XIRP2: variants seen among roughly 807,000 people sequenced by gnomAD.
The protein encoded by XIRP2 is xin actin binding repeat containing 2, also known as xin actin-binding repeat-containing protein 2.
Under a neutral mutation model 277.0 loss-of-function variants are expected in XIRP2, and 236 were observed. The ratio of observed to expected loss-of-function variants is 0.85; its 90% CI spans 0.77 to 0.95. The LOEUF (loss-of-function observed/expected upper bound fraction) is 0.95. Ranked by LOEUF, XIRP2 falls within the 40% of genes least tolerant of loss-of-function variation. The pLI, the probability that XIRP2 is intolerant of heterozygous loss-of-function variation, is 0.00. For missense variants in XIRP2, 4,640 were observed against 4,157.5 expected, an observed-to-expected ratio of 1.12 and a Z score of -3.19; for synonymous variants, 1,490 against 1,416.5, an observed-to-expected ratio of 1.05 and a Z score of -1.17.
intron 2 of XIRP2, among the ~76,000 whole-genome samples, chr2:167,011,553 C>G (rs923454048): frequency 6.6e-6 from 1 of 151,990 alleles, no homozygotes; most frequent in Non-Finnish European, 1.5e-5. Context: ...TGTGTCTCTG[C>G]CAGGCTTTGG....
At chr2:166,962,524 C>A (rs1285432403) in intron 2 of XIRP2, among the ~76,000 whole-genome samples, 5 of 151,548 alleles carry the variant, frequency 3.3e-5, no homozygotes, top group Admixed American at 6.6e-5. Context: ...ATTATTAAAG[C>A]AATTTATTGC....
At chr2:167,183,518 A>C (rs1205625334) in intron 3 of XIRP2, among the ~76,000 whole-genome samples, 1 of 152,152 alleles carries the variant, frequency 6.6e-6, no homozygotes, top group Non-Finnish European at 1.5e-5. Context: ...TGCTATTTAC[A>C]ATCTGCTGTT....
chr2:167,086,290 T>C (rs897591772), intron 2 of XIRP2, among the ~76,000 whole-genome samples: 2 of 152,218 alleles, frequency 1.3e-5, no homozygotes, highest in Admixed American at 6.5e-5. Flanking sequence ...TTCTGGCTTG[T>C]AGGGTTTCTG....
chr2:167,087,813 G>C (rs1051044356), intron 2 of XIRP2, among the ~76,000 whole-genome samples: 2 of 151,832 alleles, frequency 1.3e-5, no homozygotes. Context: ...CGCACGGTGC[G>C]TGCACCCACT....
chr2:167,108,317 T>C (rs771694423), intron 2 of XIRP2, among the ~76,000 whole-genome samples: 4 of 152,036 alleles, frequency 2.6e-5, no homozygotes, highest in Non-Finnish European at 5.9e-5. Context: ...ATTGTTAATC[T>C]GTTTTAATTT....
chr2:167,086,574 G>C (rs1689951537), intron 2 of XIRP2, among the ~76,000 whole-genome samples: 1 of 151,780 alleles, frequency 6.6e-6, no homozygotes, highest in African/African-American at 2.4e-5. Flanking sequence ...TCACTTTCAG[G>C]TACACCAATC....
intron 2 of XIRP2, among the ~76,000 whole-genome samples, chr2:166,959,171 C>A (rs959522604): frequency 2.6e-5 from 4 of 151,692 alleles, no homozygotes; most frequent in Non-Finnish European, 5.9e-5. Context: ...TTCTTGCTGT[C>A]GTCTTTAACA....
chr2:167,055,867 CT>C (rs1162817788), intron 2 of XIRP2, among the ~76,000 whole-genome samples: 2 of 152,088 alleles, frequency 1.3e-5, no homozygotes, highest in Non-Finnish European at 2.9e-5. Context: ...CTCTTTTCCC[CT>C]GGACTATATA....
intron 2 of XIRP2, among the ~76,000 whole-genome samples, chr2:167,095,238 A>T (rs1263647844): frequency 6.6e-6 from 1 of 152,246 alleles, no homozygotes; most frequent in Non-Finnish European, 1.5e-5. Context: ...TTTTCTAAAT[A>T]TAAAATCATG....
intron 2 of XIRP2, among the ~76,000 whole-genome samples, chr2:166,969,158 A>G (rs1347139749): frequency 6.6e-6 from 1 of 151,978 alleles, no homozygotes; most frequent in Non-Finnish European, 1.5e-5. Flanking sequence ...GGAGTGAAAA[A>G]AATATTGAAT....
At chr2:167,021,142 C>T (rs144641968) in intron 2 of XIRP2, among the ~76,000 whole-genome samples, 128 of 152,116 alleles carry the variant, frequency 8.4e-4, no homozygotes, top group African/African-American at 2.9e-3. Flanking sequence ...TTAGTTGATT[C>T]TGATATATAA....
intron 1 of XIRP2, among the ~76,000 whole-genome samples, chr2:166,888,964 T>C (rs1684027670): frequency 6.6e-6 from 1 of 152,146 alleles, no homozygotes; most frequent in Admixed American, 6.5e-5. Flanking sequence ...TGGGCAATTC[T>C]CCTTTCTTCC....
At chr2:167,155,881 T>C (rs200542079) in intron 3 of XIRP2, among the ~76,000 whole-genome samples, 1 of 148,958 alleles carries the variant, frequency 6.7e-6, no homozygotes, top group Non-Finnish European at 1.5e-5. Flanking sequence ...CTTAAGCTGA[T>C]AAGCAACTTC....
At chr2:166,940,783 T>C (rs1293150763) in intron 2 of XIRP2, among the ~76,000 whole-genome samples, 1 of 152,184 alleles carries the variant, frequency 6.6e-6, no homozygotes, top group Non-Finnish European at 1.5e-5. Context: ...CAGCAAATGT[T>C]GCTGCCTGGT....
chr2:167,046,628 T>C (rs559654714), intron 2 of XIRP2, among the ~76,000 whole-genome samples: 2 of 152,112 alleles, frequency 1.3e-5, no homozygotes, highest in Non-Finnish European at 2.9e-5. Flanking sequence ...TTACAGCAAC[T>C]TGGATGCAAC....
chr2:167,084,742 G>C (rs2105266698), intron 2 of XIRP2, among the ~76,000 whole-genome samples: 1 of 151,022 alleles, frequency 6.6e-6, no homozygotes, highest in East Asian at 2.0e-4. Context: ...GGTGTTTGTA[G>C]TATTCTCTGA....
Position 167,259,215 on chromosome 2 carries a change from C to T in XIRP2, c.*1398C>T, listed in dbSNP as rs1426550469. 6.2e-7 allele frequency: 1 copy of T among 1,613,466 alleles called. No homozygotes were observed. Among genetic ancestry groups the T allele is most frequent in the Non-Finnish European group, 8.5e-7 (1 of 1,179,646 alleles). On this transcript the variant is annotated 3_prime_UTR_variant, in exon 11 of 11. Coordinates refer to ENST00000409195, the MANE Select transcript of XIRP2 (RefSeq NM_152381.6). ...CCTTGGCATGTTGAAACAACAGAAG[C>T]TGCCCGCAATAATGAAAACACAGGT... is the stretch of plus-strand genomic sequence containing the variant.
At position 167,249,618 on chromosome 2, in the gene XIRP2, C is replaced by G; in HGVS notation, c.8226C>G (p.Thr2742=). Reference sequence around the variant, plus strand: ...AGCAATCTGAGATTGATGTTCAAACCTTTACCAAAAAACAATATCTGAAAA... The same window carrying G: ...AGCAATCTGAGATTGATGTTCAAACGTTTACCAAAAAACAATATCTGAAAA... The part of the protein sequence containing the change: ...HKQQSEIDVQ[T]FTKKQYLKTK... Residue 2742 remains threonine (T), a synonymous_variant, in exon 9 of 11, where the codon ACC becomes ACG. Coordinates refer to ENST00000409195, the MANE Select transcript of XIRP2 (RefSeq NM_152381.6). 1 of 1,613,574 alleles carries G rather than the reference C, an allele frequency of 6.2e-7. No homozygotes were observed. The highest frequency in any genetic ancestry group is 1.1e-5 in the South Asian group (1 of 91,064).
chr2:167,098,131 C>A (rs1286613534), intron 2 of XIRP2, among the ~76,000 whole-genome samples: 1 of 152,120 alleles, frequency 6.6e-6, no homozygotes, highest in South Asian at 2.1e-4. Flanking sequence ...TGGATAATAT[C>A]CTGAAGTGTG....
Sources: allele counts gnomAD v4.1 joint callset (sites outside exome capture counted in the v4.1 genomes callset), GRCh38; gene constraint gnomAD v4.1.1; transcripts MANE v1.5; gene names NCBI Gene and HGNC (gene_info 2026-07-23, HGNC 2026-07-21).